The following LNX1 variants were observed in gnomAD, a reference collection of about 807,000 sequenced individuals.
LNX1 encodes the protein ligand of numb-protein X 1.
LNX1 carries 54 observed loss-of-function variants against 68.4 expected under a neutral mutation model. The observed-to-expected ratio is 0.79, with a 90% CI of 0.63 to 0.99. LNX1 has a LOEUF of 0.99. Ranked by LOEUF, LNX1 falls within the 50% of genes least tolerant of loss-of-function variation. The probability of loss-of-function intolerance (pLI) is 0.00; values close to 1 mark genes in which losing one functional copy is unlikely to be tolerated. For missense variants in LNX1, 906 were observed against 926.4 expected (o/e 0.98, Z 0.29); for synonymous variants, 336 against 350.0 (o/e 0.96, Z 0.45).
chr4:53,459,620 A>C lies in LNX1; in HGVS notation c.*1287T>G. The C allele has an allele frequency of 2.2e-6, 2 of 916,412 alleles. No homozygotes were observed. The highest frequency in any genetic ancestry group is 3.3e-6 in the Non-Finnish European group (2 of 599,304). 56.8% of individuals were successfully genotyped at this position (916,412 alleles called of 1,614,324 possible). A position where few individuals can be genotyped will look rare whatever the true frequency, so the allele number is the denominator to read the frequency against. On this transcript the variant is annotated 3_prime_UTR_variant, in exon 11 of 11. Coordinates refer to ENST00000263925, the MANE Select transcript of LNX1 (RefSeq NM_001126328.3). Reference sequence around the variant, plus strand: ...AGTGAATTTTTCATGTTAAGTTAAAAATCTTTGTCTTGTACTATTTCAAAA... The same window carrying C: ...AGTGAATTTTTCATGTTAAGTTAAACATCTTTGTCTTGTACTATTTCAAAA...
chr4:53,482,282 G>T (rs1723966017), intron 6 of LNX1, among the ~76,000 whole-genome samples: 1 of 152,196 alleles, frequency 6.6e-6, no homozygotes, highest in Non-Finnish European at 1.5e-5. Context: ...GGAGTTAATG[G>T]CAGTAACTTG....
At chr4:53,579,425 A>G (rs1264590726) in intron 1 of LNX1, among the ~76,000 whole-genome samples, 1 of 152,124 alleles carries the variant, frequency 6.6e-6, no homozygotes, top group Non-Finnish European at 1.5e-5. Flanking sequence ...ACCCAGAAAA[A>G]TAAAAACCCC....
intron 9 of LNX1, among the ~76,000 whole-genome samples, chr4:53,463,304 C>T (rs928168043): frequency 2.8e-4 from 42 of 152,204 alleles, no homozygotes; most frequent in Admixed American, 1.1e-3. Flanking sequence ...AACACAAAAT[C>T]CCCTGCCCTC....
At chr4:53,611,010 G>T (rs1733472365) in intron 2 of LNX1, among the ~76,000 whole-genome samples, 2 of 152,110 alleles carry the variant, frequency 1.3e-5, no homozygotes, top group Middle Eastern at 3.4e-3. Flanking sequence ...AAACTTGATG[G>T]TAGCAAATTT....
At chr4:53,536,774 G>A (rs933834468) in intron 2 of LNX1, among the ~76,000 whole-genome samples, 2 of 152,092 alleles carry the variant, frequency 1.3e-5, no homozygotes, top group African/African-American at 4.8e-5. Flanking sequence ...AATTAGTTGG[G>A]TTCTCTTCCT....
At position 53,565,543 on chromosome 4, in the gene LNX1, G is replaced by A. The variant is rs1261539752; in HGVS notation, c.380+8080C>T. Among the ~76,000 whole-genome samples the A allele has an allele frequency of 2.0e-4, 31 of 151,694 alleles. No homozygotes were observed. The East Asian group carries it at 4.3e-3, about 21-fold the overall frequency. On this transcript the variant is annotated intron_variant, in intron 2 of 10. Transcript: ENST00000263925. ...CAAAAGTAGATAAAACCACAAAGAT[G>A]GGGAAAAAACAGAACAGAAAAACTG...
chr4:53,614,352 T>C (rs1733607337), intron 2 of LNX1, among the ~76,000 whole-genome samples: 1 of 152,186 alleles, frequency 6.6e-6, no homozygotes. Context: ...CACCATTTCA[T>C]CTCACAAACA....
chr4:53,604,391 T>A (rs1348799277), intron 2 of LNX1, among the ~76,000 whole-genome samples: 1 of 152,222 alleles, frequency 6.6e-6, no homozygotes, highest in East Asian at 1.9e-4. Context: ...GCAAAGGGAA[T>A]GTTTGGAGAA....
At chr4:53,477,010 T>C (rs759892916) in intron 8 of LNX1, 29 bp from the exon 9 acceptor site, 3 of 1,576,324 alleles carry the variant, frequency 1.9e-6, no homozygotes, top group Non-Finnish European at 1.7e-6. Context: ...GAAGCTATCT[T>C]TAGTGAGAGC....
intron 1 of LNX1, among the ~76,000 whole-genome samples, chr4:53,632,330 C>T (rs1734309916): frequency 6.6e-6 from 1 of 152,174 alleles, no homozygotes; most frequent in Non-Finnish European, 1.5e-5. Context: ...GCTGCTGTTG[C>T]CTTGCCCAGA....
At chr4:53,594,826 C>T (rs748806959), upstream of LNX1, among the ~76,000 whole-genome samples, 3 of 152,086 alleles carry the variant, frequency 2.0e-5, no homozygotes, top group Non-Finnish European at 4.4e-5. Flanking sequence ...ATCCTCCCAC[C>T]TCAGCCTCCC....
chr4:53,634,690 C>A (rs1353850364), intron 1 of LNX1, among the ~76,000 whole-genome samples: 1 of 152,100 alleles, frequency 6.6e-6, no homozygotes, highest in African/African-American at 2.4e-5. Flanking sequence ...CATGACCCAG[C>A]CTCACAGTTG....
At chr4:53,564,277 CTG>C (rs1730490089) in intron 2 of LNX1, among the ~76,000 whole-genome samples, 1 of 152,194 alleles carries the variant, frequency 6.6e-6, no homozygotes, top group Non-Finnish European at 1.5e-5. Flanking sequence ...TGAGGGGCAC[CTG>C]TGTCATCTTT....
chr4:53,548,787 A>G (rs182851109), intron 2 of LNX1, among the ~76,000 whole-genome samples: 5 of 152,358 alleles, frequency 3.3e-5, no homozygotes, highest in African/African-American at 7.2e-5. Context: ...ATGCCCATCA[A>G]TGACAGTCTG....
At chr4:53,541,258 A>G (rs1728749214) in intron 2 of LNX1, among the ~76,000 whole-genome samples, 1 of 152,214 alleles carries the variant, frequency 6.6e-6, no homozygotes, top group Non-Finnish European at 1.5e-5. Flanking sequence ...TTAGGATACC[A>G]TTAGCAACTG....
At chr4:53,596,616 C>T (rs547072238) in intron 2 of LNX1, among the ~76,000 whole-genome samples, 4 of 152,226 alleles carry the variant, frequency 2.6e-5, no homozygotes, top group East Asian at 1.9e-4. Flanking sequence ...GTTGCTATTT[C>T]GAAGGTTGCC....
At chr4:53,581,702 CA>C (rs1179501522) in intron 1 of LNX1, among the ~76,000 whole-genome samples, 6 of 152,158 alleles carry the variant, frequency 3.9e-5, no homozygotes, top group Admixed American at 3.9e-4. Context: ...AACCCGCCCC[CA>C]TGATTCAATT....
intron 2 of LNX1, among the ~76,000 whole-genome samples, chr4:53,604,629 T>C (rs1373445304): frequency 6.6e-6 from 1 of 152,252 alleles, no homozygotes; most frequent in Non-Finnish European, 1.5e-5. Context: ...ATATCTGGAA[T>C]ATTCTTAGGC....
At chr4:53,619,457 T>A (rs554606378), upstream of LNX1, among the ~76,000 whole-genome samples, 1 of 152,320 alleles carries the variant, frequency 6.6e-6, no homozygotes, top group East Asian at 1.9e-4. Flanking sequence ...ATATGTGGCC[T>A]TTGTGTCAGA....
Sources: gnomAD v4.1 joint callset for allele counts (sites outside exome capture counted in the v4.1 genomes callset) on GRCh38, gnomAD v4.1.1 for gene constraint, MANE v1.5 for transcripts, NCBI Gene and HGNC (gene_info 2026-07-23, HGNC 2026-07-21) for gene names.